Variants in HDAC9 observed in about 807,000 individuals in gnomAD.
The protein encoded by HDAC9 is histone deacetylase 9.
Under a neutral mutation model 139.4 loss-of-function variants are expected in HDAC9, and 41 were observed. That is an observed-to-expected ratio of 0.29 (90% CI 0.23 to 0.38). The LOEUF is 0.38. HDAC9 is among the 10% of genes least tolerant of loss of function. The probability of loss-of-function intolerance (pLI) is 1.00; values close to 1 mark genes in which losing one functional copy is unlikely to be tolerated. For missense variants in HDAC9, 1,147 were observed against 1,297.0 expected (o/e 0.88, Z 1.78); for synonymous variants, 517 against 476.2 (o/e 1.09, Z -1.12).
At chr7:18,592,234 A>T (rs1831201233) in intron 5 of HDAC9, among the ~76,000 whole-genome samples, 1 of 152,000 alleles carries the variant, frequency 6.6e-6, no homozygotes, top group Admixed American at 6.6e-5. Flanking sequence ...TGAATAGTTT[A>T]CCCCTGCCCA....
intron 2 of HDAC9, among the ~76,000 whole-genome samples, chr7:18,201,019 G>A (rs1178317): frequency 6.6e-6 from 1 of 152,016 alleles, no homozygotes; most frequent in Non-Finnish European, 1.5e-5. Flanking sequence ...AAATGGTTTG[G>A]TACAGCCTCC....
At chr7:18,863,401 A>G (rs1798256774) in intron 21 of HDAC9, among the ~76,000 whole-genome samples, 1 of 152,182 alleles carries the variant, frequency 6.6e-6, no homozygotes, top group Non-Finnish European at 1.5e-5. Flanking sequence ...ACGTGGCCCA[A>G]CACAAATTCG....
intron 1 of HDAC9, among the ~76,000 whole-genome samples, chr7:18,115,808 C>T (rs575645157): frequency 6.6e-6 from 1 of 152,176 alleles, no homozygotes; most frequent in African/African-American, 2.4e-5. Context: ...GCTGATACTA[C>T]TATCATCATC....
chr7:18,311,641 T>G (rs1289955178), intron 1 of HDAC9, among the ~76,000 whole-genome samples: 1 of 152,144 alleles, frequency 6.6e-6, no homozygotes, highest in African/African-American at 2.4e-5. Flanking sequence ...TCCAAAGCCC[T>G]CGCTCATAGT....
intron 1 of HDAC9, among the ~76,000 whole-genome samples, chr7:18,457,604 C>G (rs1427184271): frequency 6.6e-6 from 1 of 152,186 alleles, no homozygotes; most frequent in African/African-American, 2.4e-5. Flanking sequence ...TGGTTGATCT[C>G]TGCATATAGG....
intron 1 of HDAC9, among the ~76,000 whole-genome samples, chr7:18,296,822 G>T (rs1013833721): frequency 2.1e-4 from 32 of 152,158 alleles, no homozygotes; most frequent in African/African-American, 7.7e-4. Flanking sequence ...GAGAAAGGGG[G>T]AGCCTAAGGT....
In HDAC9 at chr7:18,215,648, C is replaced by G. The variant is rs1323409644; in HGVS notation, c.25+53299C>G. 2.0e-5 allele frequency among the ~76,000 whole-genome samples: 3 copies of G among 152,252 alleles called. No individual in the cohort carries two copies. The East Asian group carries it at 5.8e-4, about 29-fold the overall frequency. ...CATTTGGCACCAAAAGGGGGCACTG[C>G]TCTCTTGTGACATAAAATGTAGTCC... On this transcript the variant is annotated intron_variant, in intron 2 of 12. Coordinates refer to the HDAC9 transcript ENST00000417496.
intron 22 of HDAC9, among the ~76,000 whole-genome samples, chr7:18,924,782 A>G: frequency 6.6e-6 from 1 of 152,148 alleles, no homozygotes; most frequent in South Asian, 2.1e-4. Context: ...GTCAGGTACT[A>G]TGCTAGTTGA....
intron 1 of HDAC9, among the ~76,000 whole-genome samples, chr7:18,422,372 A>G (rs1322585940): frequency 6.6e-6 from 1 of 152,208 alleles, no homozygotes; most frequent in African/African-American, 2.4e-5. Context: ...CAGCCAAGCA[A>G]TAGCAACAAG....
At chr7:18,981,964 A>G (rs2129342285) in intron 25 of HDAC9, among the ~76,000 whole-genome samples, 1 of 152,268 alleles carries the variant, frequency 6.6e-6, no homozygotes, top group Non-Finnish European at 1.5e-5. Flanking sequence ...AAAGCAAAAC[A>G]AAACGCCTTA....
intron 1 of HDAC9, among the ~76,000 whole-genome samples, chr7:18,127,757 G>A (rs1415208535): frequency 6.6e-6 from 1 of 152,026 alleles, no homozygotes; most frequent in Non-Finnish European, 1.5e-5. Context: ...CATTCTTTTA[G>A]TTATTCTGAT....
At chr7:18,143,792 C>CAAAAAA (rs71014311) in intron 1 of HDAC9, among the ~76,000 whole-genome samples, 1 of 122,578 alleles carries the variant, frequency 8.2e-6, no homozygotes, top group Admixed American at 8.2e-5. Context: ...GACTCCATCT[C>CAAAAAA]AAAAAAAAAA....
intron 12 of HDAC9, among the ~76,000 whole-genome samples, chr7:18,707,561 T>C (rs1018834399): frequency 6.6e-6 from 1 of 152,146 alleles, no homozygotes; most frequent in African/African-American, 2.4e-5. Context: ...AGTCGGAATA[T>C]ATGAAAAAAT....
intron 1 of HDAC9, among the ~76,000 whole-genome samples, chr7:18,400,724 A>C (rs185634232): frequency 6.6e-6 from 1 of 152,162 alleles, no homozygotes; most frequent in Non-Finnish European, 1.5e-5. Flanking sequence ...ACTCTACTGG[A>C]TAGGAGAGGC....
At chr7:18,123,424 A>G (rs946404973) in intron 1 of HDAC9, among the ~76,000 whole-genome samples, 1 of 152,224 alleles carries the variant, frequency 6.6e-6, no homozygotes, top group Non-Finnish European at 1.5e-5. Flanking sequence ...ATTTTTCCAT[A>G]GAAACAATGT....
chr7:18,175,962 A>G (rs1788868698), intron 2 of HDAC9, among the ~76,000 whole-genome samples: 1 of 151,696 alleles, frequency 6.6e-6, no homozygotes, highest in South Asian at 2.1e-4. Context: ...TGAGCTGGGG[A>G]TTTTTCCTTT....
At chr7:18,988,875 A>G (rs1435876811) in intron 25 of HDAC9, among the ~76,000 whole-genome samples, 1 of 149,838 alleles carries the variant, frequency 6.7e-6, no homozygotes, top group Admixed American at 6.7e-5. Flanking sequence ...ATCAGAGACT[A>G]GGATTGCAAC....
chr7:18,829,476 T>G lies in HDAC9; in HGVS notation c.2394T>G (p.Phe798Leu). The change falls in exon 19 of 26, where the codon TTT (phenylalanine) becomes TTG (leucine). Residue 798 changes from phenylalanine to leucine, a missense_variant. This residue lies in a region of HDAC9 where 407 missense variants were observed against 521.5 expected (regional missense o/e 0.78). Coordinates refer to ENST00000686413, the MANE Select transcript of HDAC9 (RefSeq NM_178425.4). Reference sequence around the variant, plus strand: ...TATTCCGCAGGGGGTTCTGCTTTTTTAATTCAGTTGCAATTACCGCCAAAT... The same window carrying G: ...TATTCCGCAGGGGGTTCTGCTTTTTGAATTCAGTTGCAATTACCGCCAAAT... ...EESTAMGFCF[F>L]NSVAITAKYL... 1 of 1,611,276 alleles carries G rather than the reference T, an allele frequency of 6.2e-7. No homozygotes were observed.
intron 1 of HDAC9, among the ~76,000 whole-genome samples, chr7:18,470,257 G>C (rs942888194): frequency 3.9e-5 from 6 of 151,932 alleles, no homozygotes. Flanking sequence ...AGGCTGCAGT[G>C]AGCTATGGTT....
Sources: allele counts gnomAD v4.1 joint callset (sites outside exome capture counted in the v4.1 genomes callset), GRCh38; gene constraint gnomAD v4.1.1; regional missense constraint gnomAD v4.1.1; transcripts MANE v1.5; gene names NCBI Gene and HGNC (gene_info 2026-07-23, HGNC 2026-07-21).